Variants in PODXL observed in about 807,000 individuals in gnomAD.
PODXL encodes podocalyxin.
Under a neutral mutation model 48.9 loss-of-function variants are expected in PODXL, and 20 were observed. The ratio of observed to expected loss-of-function variants is 0.41; its 90% CI spans 0.29 to 0.59. The LOEUF (loss-of-function observed/expected upper bound fraction) is 0.59. Among genes scored for constraint, PODXL ranks in the 20% least tolerant of loss-of-function variants. PODXL has a pLI of 0.31. For missense variants in PODXL, 606 were observed against 675.1 expected (o/e 0.90, Z 1.13); for synonymous variants, 295 against 287.4 (o/e 1.03, Z -0.27).
intron 1 of PODXL, among the ~76,000 whole-genome samples, chr7:131,516,725 CT>C (rs1192943739): frequency 9.3e-6 from 1 of 107,512 alleles, no homozygotes; most frequent in Non-Finnish European, 1.8e-5. Flanking sequence ...GACTGTGGTG[CT>C]TTTTTTTCTC....
intron 1 of PODXL, among the ~76,000 whole-genome samples, chr7:131,524,365 C>G (rs1315144694): frequency 2.7e-5 from 1 of 36,856 alleles, no homozygotes. Context: ...CACACACGCA[C>G]ACACACACAC....
intron 3 of PODXL, 89 bp from the exon 4 acceptor site, chr7:131,509,674 A>G (rs1277927429): frequency 4.3e-6 from 4 of 934,820 alleles, no homozygotes; most frequent in African/African-American, 1.7e-5. Flanking sequence ...TAGTTTTCCC[A>G]GGTTCTTTGG....
chr7:131,539,851 A>G (rs980816431), intron 1 of PODXL, among the ~76,000 whole-genome samples: 7 of 152,172 alleles, frequency 4.6e-5, no homozygotes, highest in African/African-American at 1.7e-4. Flanking sequence ...CCTCACTCAC[A>G]TGCTGGAACT....
chr7:131,554,091 A>T (rs530523373), intron 1 of PODXL, among the ~76,000 whole-genome samples: 4 of 152,264 alleles, frequency 2.6e-5, no homozygotes, highest in African/African-American at 9.6e-5. Flanking sequence ...CTTGCTTTGA[A>T]TCAAATCACA....
At chr7:131,540,581 C>T (rs1412948263) in intron 1 of PODXL, among the ~76,000 whole-genome samples, 1 of 152,156 alleles carries the variant, frequency 6.6e-6, no homozygotes, top group Non-Finnish European at 1.5e-5. Flanking sequence ...TGTCCCCAGG[C>T]ACACACACAC....
At chr7:131,528,050 C>T (rs1191767663) in intron 1 of PODXL, among the ~76,000 whole-genome samples, 2 of 151,824 alleles carry the variant, frequency 1.3e-5, no homozygotes, top group East Asian at 3.9e-4. Context: ...ATTACAGGCG[C>T]CCATCACCTG....
At position 131,509,479 on chromosome 7, in the gene PODXL, C is replaced by T. The variant is rs781629473; in HGVS notation, c.909G>A (p.Thr303=). ...QETVQPTSPA[T]ALRTPTLPET... is the part of the protein sequence containing the mutation. ...CTGGCAGGGTAGGTGTTCTCAATGC[C>T]GTTGCCGGGCTCGTGGGCTGCACTG... The change falls in exon 4 of 9, where the codon ACG becomes ACA. Residue 303 remains threonine, a synonymous_variant. Coordinates refer to ENST00000378555, the MANE Select transcript of PODXL (RefSeq NM_001018111.3). 9.7e-5 allele frequency: 156 copies of T among 1,613,686 alleles called. No individual in the cohort carries two copies. The highest frequency in any genetic ancestry group is 2.0e-4 in the East Asian group (9 of 44,882).
At chr7:131,526,001 T>C (rs1584819883) in intron 1 of PODXL, among the ~76,000 whole-genome samples, 1 of 152,156 alleles carries the variant, frequency 6.6e-6, no homozygotes, top group Non-Finnish European at 1.5e-5. Flanking sequence ...AATGTATATT[T>C]CCCAGCTCTG....
rs6973311 is a variant in PODXL at position 131,524,379 on chromosome 7, C to G, written c.101-12946G>C. 3.5e-3 allele frequency among the ~76,000 whole-genome samples: 364 copies of G among 104,062 alleles called. 6 individuals carry two copies. The highest frequency in any genetic ancestry group is 8.7e-3 in the African/African-American group (312 of 35,876). 68.3% of individuals were successfully genotyped at this position (104,062 alleles called of 152,430 possible). ...ACACACACGCACACACACACACACA[C>G]AGAGAGAGAGAGAGAGAGAGAGAGA... On this transcript the variant is annotated intron_variant, in intron 1 of 8. Coordinates refer to ENST00000378555, the MANE Select transcript of PODXL (RefSeq NM_001018111.3).
At chr7:131,540,204 C>A (rs543318134) in intron 1 of PODXL, among the ~76,000 whole-genome samples, 62 of 152,244 alleles carry the variant, frequency 4.1e-4, no homozygotes, top group African/African-American at 1.4e-3. Flanking sequence ...CACCACCACA[C>A]CCAGCTATGT....
intron 1 of PODXL, among the ~76,000 whole-genome samples, chr7:131,540,852 T>C (rs1257863835): frequency 6.6e-6 from 1 of 152,050 alleles, no homozygotes; most frequent in Non-Finnish European, 1.5e-5. Flanking sequence ...TGCATGGCTG[T>C]GGGATAGTCA....
intron 1 of PODXL, among the ~76,000 whole-genome samples, chr7:131,549,909 T>C (rs1191052259): frequency 2.0e-5 from 3 of 151,988 alleles, no homozygotes; most frequent in African/African-American, 4.8e-5. Flanking sequence ...GTGGGGATGG[T>C]TGGAGGTGGC....
At chr7:131,535,337 C>T (rs1028129357) in intron 1 of PODXL, among the ~76,000 whole-genome samples, 20 of 152,124 alleles carry the variant, frequency 1.3e-4, no homozygotes, top group Non-Finnish European at 2.6e-4. Flanking sequence ...TTACAGTAAG[C>T]TGTACGGTAA....
At chr7:131,552,816 T>A (rs752186538) in intron 1 of PODXL, among the ~76,000 whole-genome samples, 9 of 152,112 alleles carry the variant, frequency 5.9e-5, no homozygotes, top group Non-Finnish European at 1.3e-4. Context: ...AGTCAGGGTC[T>A]CCCTCTGTTG....
At chr7:131,548,979 T>C (rs983890220) in intron 1 of PODXL, among the ~76,000 whole-genome samples, 7 of 152,248 alleles carry the variant, frequency 4.6e-5, no homozygotes, top group Admixed American at 2.0e-4. Context: ...ATGGAACAGC[T>C]ACTTTGAGCT....
At position 131,501,318 on chromosome 7, in the gene PODXL, G is replaced by A. The variant is rs1246368432; in HGVS notation, c.*2993C>T. On this transcript the variant is annotated 3_prime_UTR_variant, in exon 9 of 9. Coordinates refer to ENST00000378555, the MANE Select transcript of PODXL (RefSeq NM_001018111.3). ...TGTTCACTTAAAGCAGTGCAGGGTA[G>A]GTTAACATGGTCACTGTATTTACAT... 2 of 152,528 alleles carry A rather than the reference G, an allele frequency of 1.3e-5. No individual in the cohort carries two copies. Among genetic ancestry groups the A allele is most frequent in the East Asian group, 1.9e-4 (1 of 5,196 alleles). 9.4% of individuals were successfully genotyped at this position (152,528 alleles called of 1,614,324 possible). A position where few individuals can be genotyped will look rare whatever the true frequency, so the allele number is the denominator to read the frequency against.
chr7:131,511,205 C>T lies in PODXL; in HGVS notation c.329G>A (p.Gly110Glu). ...GGTAGTAGGGTTGCCTGAGCCGCCT[C>T]CTCTAGCCACGGTAGTGTTGACTGG... ...SGPVNTTVAR[G>E]GGSGNPTTTI... The change falls in exon 2 of 9, where the codon GGA (glycine) becomes GAA (glutamate). Residue 110 changes from glycine to glutamate, a missense_variant. Physicochemically the swap from Gly to Glu is moderately conservative, Grantham distance 98. Transcript: ENST00000378555. 6.2e-7 allele frequency: 1 copy of T among 1,614,076 alleles called. No homozygotes were observed. Among genetic ancestry groups the T allele is most frequent in the Non-Finnish European group, 8.5e-7 (1 of 1,180,022 alleles).
intron 1 of PODXL, among the ~76,000 whole-genome samples, chr7:131,530,682 C>T (rs974910880): frequency 6.6e-6 from 1 of 150,622 alleles, no homozygotes; most frequent in African/African-American, 2.4e-5. Flanking sequence ...GAGCTACGAG[C>T]TATCACTTGA....
intron 8 of PODXL, among the ~76,000 whole-genome samples, chr7:131,504,873 G>T (rs1389407924): frequency 6.6e-6 from 1 of 152,130 alleles, no homozygotes; most frequent in Non-Finnish European, 1.5e-5. Flanking sequence ...ATTAAAAAAT[G>T]ACCTCTCTCG....
Sources: allele counts gnomAD v4.1 joint callset (sites outside exome capture counted in the v4.1 genomes callset), GRCh38; gene constraint gnomAD v4.1.1; transcripts MANE v1.5; gene names NCBI Gene and HGNC (gene_info 2026-07-23, HGNC 2026-07-21).